PLCG2: variants seen among roughly 807,000 people sequenced by gnomAD.
The protein encoded by PLCG2 is phospholipase C gamma 2, also known as 1-phosphatidylinositol 4,5-bisphosphate phosphodiesterase gamma-2.
A neutral mutation model predicts 175.6 loss-of-function variants in PLCG2; 69 were observed. That is an observed-to-expected ratio of 0.39 (90% CI 0.32 to 0.48). The LOEUF (loss-of-function observed/expected upper bound fraction) is 0.48, where lower values mean the gene tolerates loss of function less well. Among genes scored for constraint, PLCG2 ranks in the 20% least tolerant of loss-of-function variants. The probability of loss-of-function intolerance (pLI) is 0.91; values close to 1 mark genes in which losing one functional copy is unlikely to be tolerated. For missense variants in PLCG2, 1,798 were observed against 1,650.9 expected, an observed-to-expected ratio of 1.09 and a Z score of -1.54; for synonymous variants, 827 against 624.0, an observed-to-expected ratio of 1.33 and a Z score of -4.85.
chr16:81,846,977 T>C (rs1906154471), intron 2 of PLCG2, among the ~76,000 whole-genome samples: 1 of 152,202 alleles, frequency 6.6e-6, no homozygotes, highest in Non-Finnish European at 1.5e-5. Flanking sequence ...TCTGATACTA[T>C]CTACTTGGAG....
At chr16:81,765,674 C>G (rs932898533) in intron 2 of PLCG2, among the ~76,000 whole-genome samples, 3 of 50,216 alleles carry the variant, frequency 6.0e-5, no homozygotes, top group Non-Finnish European at 1.4e-4. Context: ...CCTTTTGACC[C>G]CGGGGTCTCA....
intron 1 of PLCG2, among the ~76,000 whole-genome samples, chr16:81,743,694 C>T (rs1909644667): frequency 6.6e-6 from 1 of 152,158 alleles, no homozygotes; most frequent in Non-Finnish European, 1.5e-5. Flanking sequence ...CTATGCAGGG[C>T]TCCTGTGGGA....
At chr16:81,786,373 G>T (rs975669749) in intron 2 of PLCG2, among the ~76,000 whole-genome samples, 191 bp downstream of exon 2, 2 of 152,192 alleles carry the variant, frequency 1.3e-5, no homozygotes, top group African/African-American at 4.8e-5. Context: ...AGGAAGTTCA[G>T]CTGGGAAAAC....
intron 7 of PLCG2, among the ~76,000 whole-genome samples, chr16:81,878,062 A>T (rs9746764): frequency 0.26 from 35,732 of 139,958 alleles, 4,570 homozygotes; most frequent in East Asian, 0.27. Context: ...GCTCACTGCA[A>T]GCTCTGCCTC....
chr16:81,880,278 G>T (rs1402281077), intron 7 of PLCG2, among the ~76,000 whole-genome samples: 1 of 152,162 alleles, frequency 6.6e-6, no homozygotes, highest in Non-Finnish European at 1.5e-5. Flanking sequence ...AAAGGTATGT[G>T]TACCCCAGTG....
At chr16:81,886,553 G>A (rs995009653) in intron 9 of PLCG2, among the ~76,000 whole-genome samples, 6 of 152,188 alleles carry the variant, frequency 3.9e-5, no homozygotes, top group African/African-American at 1.2e-4. Context: ...TGAAAACTTG[G>A]AAGTAATCTA....
At chr16:81,907,806 G>A (rs951053017) in intron 16 of PLCG2, 32 bp downstream of exon 16, 21 of 1,539,974 alleles carry the variant, frequency 1.4e-5, no homozygotes, top group Non-Finnish European at 1.7e-5. Flanking sequence ...ATAGGGAGGA[G>A]GTCCCCAGGA....
At chr16:81,916,052 C>A (rs1317372690) in intron 19 of PLCG2, among the ~76,000 whole-genome samples, 13 of 152,092 alleles carry the variant, frequency 8.5e-5, no homozygotes, top group Non-Finnish European at 7.3e-5. Flanking sequence ...CATTTTGTGT[C>A]TGGGTATTTT....
In PLCG2 at chr16:81,962,088, T is replaced by A. The variant is rs942613080; in HGVS notation, c.*4090T>A. 5.4e-6 allele frequency: 1 copy of A among 186,010 alleles called. No homozygotes were observed. The highest frequency in any genetic ancestry group is 2.3e-5 in the African/African-American group (1 of 42,634). The allele number at this position is 186,010 out of a possible 1,614,324, so 11.5% of individuals were successfully genotyped here. A position where few individuals can be genotyped will look rare whatever the true frequency, so the allele number is the denominator to read the frequency against. On this transcript the variant is annotated 3_prime_UTR_variant, in exon 33 of 33. Coordinates refer to ENST00000564138, the MANE Select transcript of PLCG2 (RefSeq NM_002661.5). Reference sequence around the variant, plus strand: ...CGTCGAAGAGGACGACCAACCCCGATAGAGGAGGACCGGTCTTCGGTCAAG... The same window carrying A: ...CGTCGAAGAGGACGACCAACCCCGAAAGAGGAGGACCGGTCTTCGGTCAAG...
upstream of PLCG2, among the ~76,000 whole-genome samples, chr16:81,776,081 C>CGTTCGTTCTTTCTTTCTTTCTT: frequency 9.0e-6 from 1 of 110,586 alleles, no homozygotes; most frequent in East Asian, 2.7e-4. Flanking sequence ...CTTTCTCTCT[C>CGTTCGTTCTTTCTTTCTTTCTT]TCTCTCTCTT....
intron 30 of PLCG2, among the ~76,000 whole-genome samples, chr16:81,941,331 C>T (rs2143740948): frequency 6.6e-6 from 1 of 152,286 alleles, no homozygotes; most frequent in South Asian, 2.1e-4. Flanking sequence ...GCCTGGGTGA[C>T]AGAGCAAGAC....
At chr16:81,918,111 A>G (rs1279387795) in intron 19 of PLCG2, among the ~76,000 whole-genome samples, 3 of 152,110 alleles carry the variant, frequency 2.0e-5, no homozygotes, top group African/African-American at 4.8e-5. Context: ...CCCTTACCAG[A>G]TGTTCAGTTT....
At chr16:81,804,212 T>C (rs1567472682) in intron 2 of PLCG2, among the ~76,000 whole-genome samples, 1 of 152,180 alleles carries the variant, frequency 6.6e-6, no homozygotes, top group South Asian at 2.1e-4. Context: ...CGCCAACACA[T>C]GTTAGTATCT....
intron 28 of PLCG2, 133 bp downstream of exon 28, chr16:81,938,036 A>G (rs1910788679): frequency 1.3e-6 from 1 of 757,002 alleles, no homozygotes; most frequent in South Asian, 1.8e-5. Flanking sequence ...CCATTCAGGC[A>G]GTGTTTGAGG....
At chr16:81,759,999 G>A (rs575716878) in intron 2 of PLCG2, among the ~76,000 whole-genome samples, 11 of 152,290 alleles carry the variant, frequency 7.2e-5, no homozygotes, top group African/African-American at 1.7e-4. Flanking sequence ...GGTGGCGGGC[G>A]CCTGTAGTCC....
chr16:81,739,421 G>C (rs12446781), intron 1 of PLCG2: 84,194 of 151,838 alleles, frequency 0.55, 24,974 homozygotes, highest in East Asian at 0.79. Flanking sequence ...GGCATTTTCC[G>C]CTCGAGTGGA....
intron 7 of PLCG2, among the ~76,000 whole-genome samples, chr16:81,880,591 G>A (rs1437701826): frequency 6.6e-6 from 1 of 152,178 alleles, no homozygotes; most frequent in East Asian, 1.9e-4. Context: ...ATTGTGAGAT[G>A]TACGTAAATG....
At chr16:81,762,654 T>G (rs1379873204) in intron 2 of PLCG2, among the ~76,000 whole-genome samples, 1 of 152,014 alleles carries the variant, frequency 6.6e-6, no homozygotes, top group Non-Finnish European at 1.5e-5. Flanking sequence ...ATCATTAGGT[T>G]GAGGGGAGAG....
chr16:81,813,846 A>G (rs1261207515), intron 2 of PLCG2, among the ~76,000 whole-genome samples: 2 of 152,240 alleles, frequency 1.3e-5, no homozygotes, highest in Non-Finnish European at 2.9e-5. Flanking sequence ...GATGGCTTCC[A>G]AGGGACAGAA....
Sources: allele counts gnomAD v4.1 joint callset (sites outside exome capture counted in the v4.1 genomes callset), GRCh38; gene constraint gnomAD v4.1.1; transcripts MANE v1.5; gene names NCBI Gene and HGNC (gene_info 2026-07-23, HGNC 2026-07-21).